The following GTF2F1 variants were observed in gnomAD, a reference collection of about 807,000 sequenced individuals.
GTF2F1 encodes the protein general transcription factor IIF subunit 1.
In GTF2F1, 39 loss-of-function variants were observed where a neutral mutation model predicts 63.5. The observed-to-expected ratio is 0.61, with a 90% CI of 0.48 to 0.80. The LOEUF is 0.80. GTF2F1 is among the 30% of genes least tolerant of loss of function. The pLI is 0.00. For missense variants in GTF2F1, 657 were observed against 718.3 expected (o/e 0.91, Z 0.97); for synonymous variants, 287 against 285.3 (o/e 1.01, Z -0.06).
Position 6,380,337 on chromosome 19 carries a change from G to C in GTF2F1, c.1498C>G (p.Leu500Val). ...VNVLAQILKR[L>V]NPERKMINDK... ...TTGATCATCTTGCGCTCGGGGTTGAGTCGCTTGAGGATCTGGGCCAACACG... is the reference window on the plus strand; with the variant it reads ...TTGATCATCTTGCGCTCGGGGTTGACTCGCTTGAGGATCTGGGCCAACACG... Residue 500 changes from leucine (L) to valine (V), a missense_variant, in exon 13 of 13, where the codon CTC becomes GTC. Physicochemically the swap from Leu to Val is conservative, Grantham distance 32 (BLOSUM62 1). This residue lies in a region of GTF2F1 where 55 missense variants were observed against 92.6 expected (regional missense o/e 0.59). Transcript: ENST00000394456. This position sits in a 1 kb window ranked among gnomAD's most constrained non-coding sequence, Gnocchi z 5.3. 2 of 1,614,184 alleles carry C rather than the reference G, an allele frequency of 1.2e-6. No individual in the cohort carries two copies. Among genetic ancestry groups the C allele is most frequent in the Non-Finnish European group, 1.7e-6 (2 of 1,180,042 alleles).
chr19:6,392,807 T>G, intron 2 of GTF2F1, 50 bp downstream of exon 2: 1 of 1,556,048 alleles, frequency 6.4e-7, no homozygotes, highest in Non-Finnish European at 8.9e-7. Flanking sequence ...TCGTGAAGGT[T>G]TTCATTTTTG....
chr19:6,382,220 G>A (rs1166620595), intron 6 of GTF2F1, among the ~76,000 whole-genome samples: 1 of 152,212 alleles, frequency 6.6e-6, no homozygotes, highest in Admixed American at 6.5e-5. Flanking sequence ...GCCAGGTGCA[G>A]TGGCTCATGC....
At chr19:6,392,131 A>C in intron 2 of GTF2F1, 157 bp from the exon 3 acceptor site, 2 of 676,278 alleles carry the variant, frequency 3.0e-6, no homozygotes, top group East Asian at 5.7e-5. Flanking sequence ...AATTCAATTG[A>C]ACCATTAATT....
At chr19:6,388,052 C>T (rs571265844) in intron 4 of GTF2F1, among the ~76,000 whole-genome samples, 1 of 147,454 alleles carries the variant, frequency 6.8e-6, no homozygotes, top group South Asian at 2.1e-4. Flanking sequence ...GCCTCAGCCT[C>T]CCGAGTAGCT....
At chr19:6,390,622 A>G (rs1305571190) in intron 3 of GTF2F1, among the ~76,000 whole-genome samples, 1 of 151,702 alleles carries the variant, frequency 6.6e-6, no homozygotes, top group Non-Finnish European at 1.5e-5. Flanking sequence ...CTAAAAATAA[A>G]AAGGCTGGGC....
chr19:6,383,167 G>T lies in GTF2F1; in HGVS notation c.682+144C>A. ...TCTGCCTGCCTCAGCCTCTCAAAGT[G>T]CTGGGATGACAGGCGTGAGCCACTG... On this transcript the variant is annotated intron_variant, in intron 6 of 12. Transcript: ENST00000394456. The surrounding 1 kb of genome is among the most constrained non-coding windows in gnomAD (Gnocchi z 4.5). The T allele has an allele frequency of 1.2e-6, 1 of 818,286 alleles. No individual in the cohort carries two copies. The highest frequency in any genetic ancestry group is 2.0e-6 in the Non-Finnish European group (1 of 511,460). The allele number at this position is 818,286 out of a possible 1,614,324, so 50.7% of individuals were successfully genotyped here. A position where few individuals can be genotyped will look rare whatever the true frequency, so the allele number is the denominator to read the frequency against.
At chr19:6,391,439 GTTTTTTTTTTTTTTTTTTT>G (rs11340944) in intron 3 of GTF2F1, among the ~76,000 whole-genome samples, 984 of 87,480 alleles carry the variant, frequency 0.011, 21 homozygotes, top group African/African-American at 0.031. Context: ...TGCCATTTCC[GTTTTTTTTTTTTTTTTTTT>G]TTTTTTTTTT....
chr19:6,393,097 G>C lies in GTF2F1; in HGVS notation c.-102C>G. The C allele has an allele frequency of 6.7e-7, 1 of 1,501,416 alleles. No individual in the cohort carries two copies. 93.0% of individuals were successfully genotyped at this position (1,501,416 alleles called of 1,614,324 possible). A position where few individuals can be genotyped will look rare whatever the true frequency, so the allele number is the denominator to read the frequency against. ...CGGGGAAGCCGCCGCTCGGTGTCGG[G>C]TCTCTGTGCCTGAGCGAGGACCCCA... On this transcript the variant is annotated 5_prime_UTR_variant, in exon 1 of 13. Coordinates refer to ENST00000394456, the MANE Select transcript of GTF2F1 (RefSeq NM_002096.3).
intron 4 of GTF2F1, among the ~76,000 whole-genome samples, chr19:6,387,920 G>A (rs146238995): frequency 4.0e-5 from 6 of 150,304 alleles, no homozygotes; most frequent in Non-Finnish European, 9.0e-5. Context: ...AAGATGGGGC[G>A]GGAAGGCATG....
intron 4 of GTF2F1, 21 bp downstream of exon 4, chr19:6,389,423 C>T (rs375369424): frequency 4.8e-4 from 775 of 1,607,886 alleles, no homozygotes; most frequent in Non-Finnish European, 6.0e-4. Context: ...AAGCCGGCAC[C>T]GCCACCGCCC....
chr19:6,393,152 G>T lies in GTF2F1; in HGVS notation c.-157C>A. 3.3e-6 allele frequency: 3 copies of T among 912,934 alleles called. No homozygotes were observed. The highest frequency in any genetic ancestry group is 3.0e-5 in the South Asian group (2 of 66,934). The allele number at this position is 912,934 out of a possible 1,614,324, so 56.6% of individuals were successfully genotyped here. On this transcript the variant is annotated 5_prime_UTR_variant, in exon 1 of 13. Transcript: ENST00000394456. ...TAGGCGCCTCTGGCGCTGGGAAAAG[G>T]TAACCGGAAGAGGCGCTCAAGCTAC...
chr19:6,391,667 G>T (rs1435188415), intron 3 of GTF2F1, among the ~76,000 whole-genome samples: 1 of 151,800 alleles, frequency 6.6e-6, no homozygotes, highest in Non-Finnish European at 1.5e-5. Flanking sequence ...TGCCCAGGCT[G>T]GTCTCAAACT....
At chr19:6,384,610 G>A (rs907676903) in intron 5 of GTF2F1, among the ~76,000 whole-genome samples, 2 of 151,732 alleles carry the variant, frequency 1.3e-5, no homozygotes, top group East Asian at 2.0e-4. Flanking sequence ...ACTGTGAGTG[G>A]CTTTACCACA....
chr19:6,382,591 A>T (rs2091957480), intron 6 of GTF2F1, among the ~76,000 whole-genome samples: 1 of 147,644 alleles, frequency 6.8e-6, no homozygotes, highest in Non-Finnish European at 1.5e-5. Context: ...AGATTGCGCC[A>T]TTGCACTCCA....
In GTF2F1 at chr19:6,381,443, C is replaced by G. The variant is rs760293834; in HGVS notation, c.934G>C (p.Glu312Gln). Residue 312 changes from glutamate (E) to glutamine (Q), a missense_variant, in exon 9 of 13, where the codon GAG (glutamate) becomes CAG (glutamine). Physicochemically the swap from Glu to Gln is conservative, Grantham distance 29 (BLOSUM62 2). Around this residue, in one of 2 missense-constraint regions of GTF2F1, gnomAD observed 602 missense variants for 625.6 expected, o/e 0.96. Transcript: ENST00000394456. This position sits in a 1 kb window ranked among gnomAD's most constrained non-coding sequence, Gnocchi z 4.1. ...TCCTCCTCAGGCGGCTTCTCCTCCTCACTCTCCTCACTACTGTCGCTCTGC... is the reference window on the plus strand; with the variant it reads ...TCCTCCTCAGGCGGCTTCTCCTCCTGACTCTCCTCACTACTGTCGCTCTGC... ...DEQSDSSEES[E>Q]EEKPPEEDKE... 5 of 1,609,412 alleles carry G rather than the reference C, an allele frequency of 3.1e-6. No homozygotes were observed. The South Asian group carries it at 4.4e-5, about 14-fold the overall frequency.
At chr19:6,384,510 A>G (rs1246742505) in intron 5 of GTF2F1, among the ~76,000 whole-genome samples, 2 of 97,670 alleles carry the variant, frequency 2.0e-5, no homozygotes, top group Non-Finnish European at 3.4e-5. Context: ...TCTGTCTCCA[A>G]AAAAAAAAAA....
rs531458742 is a variant in GTF2F1, at chr19:6,389,634, G to A, written c.136C>T (p.Arg46Trp). The A allele has an allele frequency of 2.0e-5, 33 of 1,612,622 alleles. No homozygotes were observed. Among genetic ancestry groups the A allele is most frequent in the Admixed American group, 3.3e-5 (2 of 60,018 alleles). ...TTGTTGCTCAAGTCCCGCTCCAGCC[G>A]AGCCTAGGGGAGCAGGAAGCAAAGC... is the stretch of plus-strand genomic sequence containing the variant. ...KVNFATWNQARLERDLSNKKI... is the reference protein window; with the variant it reads ...KVNFATWNQAWLERDLSNKKI... Residue 46 changes from arginine (R) to tryptophan (W), a missense_variant, in exon 4 of 13, where the codon CGG (arginine) becomes TGG (tryptophan). Arg to Trp is a moderately radical substitution (Grantham distance 101). This residue lies in a region of GTF2F1 where 602 missense variants were observed against 625.6 expected (regional missense o/e 0.96). Transcript: ENST00000394456.
Position 6,380,551 on chromosome 19 carries a change from C to T in GTF2F1, c.1349+22G>A, listed in dbSNP as rs751866107. The T allele has an allele frequency of 1.2e-6, 2 of 1,612,978 alleles. No homozygotes were observed. The highest frequency in any genetic ancestry group is 4.5e-5 in the East Asian group (2 of 44,854). Reference sequence around the variant, plus strand: ...GTCCCCAGTAGCCCTTGCCCTGCCCCCTGCTGTCCTCGTCAACTTACCCGC... The same window carrying T: ...GTCCCCAGTAGCCCTTGCCCTGCCCTCTGCTGTCCTCGTCAACTTACCCGC... On this transcript the variant is annotated intron_variant, in intron 12 of 12. Transcript: ENST00000394456. The surrounding 1 kb of genome is among the most constrained non-coding windows in gnomAD (Gnocchi z 5.3).
In GTF2F1 at chr19:6,389,567, C is replaced by T; in HGVS notation, c.203G>A (p.Gly68Asp). The change falls in exon 4 of 13, where the codon GGC (glycine) becomes GAC (aspartate). Residue 68 changes from glycine to aspartate, a missense_variant. By Grantham distance (94) the Gly-to-Asp change is moderately conservative (BLOSUM62 -1). This residue lies in a region of GTF2F1 where 602 missense variants were observed against 625.6 expected (regional missense o/e 0.96). Coordinates refer to ENST00000394456, the MANE Select transcript of GTF2F1 (RefSeq NM_002096.3). ...CCGAAGCTTGCGGTTGAACTCACTGCCCGCGCCCGATTCGGGCATCTCCTC... is the reference window on the plus strand; with the variant it reads ...CCGAAGCTTGCGGTTGAACTCACTGTCCGCGCCCGATTCGGGCATCTCCTC... ...QEEEMPESGA[G>D]SEFNRKLREE... The T allele has an allele frequency of 6.2e-7, 1 of 1,614,222 alleles. No homozygotes were observed. Among genetic ancestry groups the T allele is most frequent in the Non-Finnish European group, 8.5e-7 (1 of 1,180,028 alleles).
Sources: gnomAD v4.1 joint callset for allele counts (sites outside exome capture counted in the v4.1 genomes callset) on GRCh38, gnomAD v4.1.1 for gene constraint, gnomAD v4.1.1 regional missense constraint, Gnocchi (gnomAD v3.1) non-coding constraint, MANE v1.5 for transcripts, NCBI Gene and HGNC (gene_info 2026-07-23, HGNC 2026-07-21) for gene names.